The following ARPP21 variants were observed in gnomAD, a reference collection of about 807,000 sequenced individuals.
The protein encoded by ARPP21 is cAMP regulated phosphoprotein 21.
Under a neutral mutation model 113.2 loss-of-function variants are expected in ARPP21, and 69 were observed. The ratio of observed to expected loss-of-function variants is 0.61; its 90% CI spans 0.50 to 0.74. The LOEUF is 0.74. Among genes scored for constraint, ARPP21 ranks in the 30% least tolerant of loss-of-function variants. The pLI is 0.00. For synonymous variants in ARPP21, 368 were observed against 375.5 expected, an observed-to-expected ratio of 0.98 and a Z score of 0.23; for missense variants, 1,070 against 1,037.4, an observed-to-expected ratio of 1.03 and a Z score of -0.43.
intron 7 of ARPP21, 82 bp downstream of exon 7, chr3:35,689,467 G>T: frequency 1.3e-6 from 1 of 754,788 alleles, no homozygotes. Context: ...ACACTTCTAA[G>T]AAAGCCATTG....
intron 19 of ARPP21, among the ~76,000 whole-genome samples, chr3:35,755,186 A>G (rs2095530370): frequency 6.6e-6 from 1 of 151,880 alleles, no homozygotes; most frequent in South Asian, 2.1e-4. Flanking sequence ...TTTCTTGTTA[A>G]TTTTTTGAGA....
Position 35,689,496 on chromosome 3 carries a change from C to T in ARPP21, c.485+111C>T, listed in dbSNP as rs867187347. On this transcript the variant is annotated intron_variant, in intron 7 of 20. Coordinates refer to ENST00000684406, the MANE Select transcript of ARPP21 (RefSeq NM_001385562.1). ...GCCATTGTGAAATGCAGATACCTTC[C>T]CTGACGTCTTAAACTGTCTCCTGTA... is the stretch of plus-strand genomic sequence containing the variant. The T allele has an allele frequency of 8.1e-5, 52 of 639,574 alleles. No individual in the cohort carries two copies. In the African/African-American group the frequency reaches 8.3e-4, roughly 10 times the overall value. The allele number at this position is 639,574 out of a possible 1,614,324, so 39.6% of individuals were successfully genotyped here.
intron 7 of ARPP21, among the ~76,000 whole-genome samples, chr3:35,689,691 A>G (rs2081665931): frequency 6.6e-6 from 1 of 151,654 alleles, no homozygotes; most frequent in Admixed American, 6.6e-5. Flanking sequence ...CAAATAAGCC[A>G]ATTATGTTTT....
intron 5 of ARPP21, 123 bp from the exon 6 acceptor site, chr3:35,687,616 T>G: frequency 1.2e-6 from 1 of 837,288 alleles, no homozygotes; most frequent in Non-Finnish European, 1.8e-6. Flanking sequence ...ATTTTTACCA[T>G]TTAGAAAAAA....
intron 1 of ARPP21, among the ~76,000 whole-genome samples, chr3:35,657,703 T>C (rs1486158689): frequency 6.6e-6 from 1 of 152,070 alleles, no homozygotes; most frequent in East Asian, 1.9e-4. Context: ...TCCATGCAGA[T>C]AGTCTCAGTT....
At chr3:35,753,446 G>T (rs61372814) in intron 19 of ARPP21, among the ~76,000 whole-genome samples, 5,493 of 152,004 alleles carry the variant, frequency 0.036, 179 homozygotes, top group South Asian at 0.11. Context: ...TTTAAAATAA[G>T]AATACTTCCA....
At chr3:35,644,117 A>C (rs1373968339) in intron 1 of ARPP21, among the ~76,000 whole-genome samples, 5 of 151,932 alleles carry the variant, frequency 3.3e-5, no homozygotes, top group African/African-American at 1.2e-4. Context: ...AATGTAAGCA[A>C]ATGCTGAAGG....
rs778921161 is a variant in ARPP21, at chr3:35,689,350, C to A, written c.450C>A (p.His150Gln). 6.3e-7 allele frequency: 1 copy of A among 1,584,122 alleles called. No individual in the cohort carries two copies. The highest frequency in any genetic ancestry group is 8.7e-7 in the Non-Finnish European group (1 of 1,153,988). The change falls in exon 7 of 21, where the codon CAC (histidine) becomes CAA (glutamine). Residue 150 changes from histidine to glutamine, a missense_variant. Coordinates refer to ENST00000684406, the MANE Select transcript of ARPP21 (RefSeq NM_001385562.1). ...CGGATTCTACAGGCATAGACTTACA[C>A]GAGTTTCTGATTAACACATTAAAGA... ...EYTDSTGIDL[H>Q]EFLINTLKNN...
At chr3:35,654,187 T>C (rs1385887146) in intron 1 of ARPP21, among the ~76,000 whole-genome samples, 1 of 151,974 alleles carries the variant, frequency 6.6e-6, no homozygotes, top group Non-Finnish European at 1.5e-5. Context: ...AGATGAAAAA[T>C]GGTTTTAAAG....
intron 18 of ARPP21, 99 bp from the exon 19 acceptor site, chr3:35,743,740 A>T: frequency 7.4e-7 from 1 of 1,352,592 alleles, no homozygotes; most frequent in Non-Finnish European, 1.0e-6. Context: ...GGCCATCTTC[A>T]CAACCTACCA....
intron 9 of ARPP21, among the ~76,000 whole-genome samples, chr3:35,703,815 C>T (rs2087521571): frequency 6.6e-6 from 1 of 151,826 alleles, no homozygotes; most frequent in African/African-American, 2.4e-5. Context: ...AAATAAAGGT[C>T]TACAATACAT....
At chr3:35,686,830 ATTC>A (rs1178110961) in intron 5 of ARPP21, among the ~76,000 whole-genome samples, 3 of 151,592 alleles carry the variant, frequency 2.0e-5, no homozygotes, top group Non-Finnish European at 4.4e-5. Flanking sequence ...GATTTGGCTC[ATTC>A]TTCTTCAAAA....
chr3:35,761,509 C>T (rs888646949), intron 19 of ARPP21, among the ~76,000 whole-genome samples: 2 of 152,038 alleles, frequency 1.3e-5, no homozygotes, highest in Non-Finnish European at 2.9e-5. Context: ...ACCTTAGTGT[C>T]TATGGAGGTG....
intron 11 of ARPP21, 34 bp downstream of exon 11, chr3:35,709,104 C>T: frequency 2.1e-6 from 3 of 1,423,640 alleles, no homozygotes; most frequent in Non-Finnish European, 2.0e-6. Flanking sequence ...CTTTAGTGCG[C>T]TCCTTCCAAC....
intron 19 of ARPP21, among the ~76,000 whole-genome samples, chr3:35,780,714 T>C (rs944003656): frequency 1.3e-5 from 2 of 152,086 alleles, no homozygotes; most frequent in Non-Finnish European, 2.9e-5. Context: ...CAGAAATGCA[T>C]ATGTTTGAGC....
chr3:35,659,607 G>T (rs560420898), intron 1 of ARPP21, among the ~76,000 whole-genome samples: 2 of 152,282 alleles, frequency 1.3e-5, no homozygotes, highest in South Asian at 4.1e-4. Flanking sequence ...TGGAGTGCAG[G>T]TGTGTAGCCT....
chr3:35,736,087 C>G (rs2094332619), intron 15 of ARPP21, among the ~76,000 whole-genome samples: 1 of 152,198 alleles, frequency 6.6e-6, no homozygotes, highest in Admixed American at 6.5e-5. Flanking sequence ...TGAAGTCTTA[C>G]TGACCAGGGT....
chr3:35,722,284 C>A (rs377308615), intron 14 of ARPP21, among the ~76,000 whole-genome samples: 1 of 152,120 alleles, frequency 6.6e-6, no homozygotes, highest in African/African-American at 2.4e-5. Context: ...CTTAAAAACA[C>A]GCCGTAGGAT....
chr3:35,744,939 G>A (rs999676221), intron 19 of ARPP21, among the ~76,000 whole-genome samples: 2 of 152,206 alleles, frequency 1.3e-5, no homozygotes, highest in Non-Finnish European at 2.9e-5. Flanking sequence ...GAATACCAAT[G>A]CTGACACTGC....
Sources: allele counts gnomAD v4.1 joint callset (sites outside exome capture counted in the v4.1 genomes callset), GRCh38; gene constraint gnomAD v4.1.1; transcripts MANE v1.5; gene names NCBI Gene and HGNC (gene_info 2026-07-23, HGNC 2026-07-21).